Variants in LARGE1 observed in about 807,000 individuals in gnomAD.
LARGE1 encodes the protein LARGE xylosyl- and glucuronyltransferase 1.
LARGE1 carries 43 observed loss-of-function variants against 87.6 expected under a neutral mutation model. That is an observed-to-expected ratio of 0.49 (90% confidence interval 0.38 to 0.63). The LOEUF (loss-of-function observed/expected upper bound fraction) is 0.63. LARGE1 is among the 30% of genes least tolerant of loss of function. The pLI is 0.00. For synonymous variants in LARGE1, 434 were observed against 394.6 expected, an observed-to-expected ratio of 1.10 and a Z score of -1.18; for missense variants, 802 against 1,000.2, an observed-to-expected ratio of 0.80 and a Z score of 2.67.
intron 7 of LARGE1, among the ~76,000 whole-genome samples, chr22:33,409,109 A>G (rs1289752598): frequency 6.6e-6 from 1 of 152,224 alleles, no homozygotes; most frequent in Non-Finnish European, 1.5e-5. Flanking sequence ...GAGCAGTCCC[A>G]TAGGGCTCTG....
the LARGE1 span, among the ~76,000 whole-genome samples, chr22:33,126,304 A>T: frequency 6.6e-6 from 1 of 152,340 alleles, no homozygotes; most frequent in South Asian, 2.1e-4. Flanking sequence ...ATGAGATTGA[A>T]GACATTCAAA....
chr22:33,190,652 A>C (rs1923726037), intron 11 of LARGE1, among the ~76,000 whole-genome samples: 1 of 152,042 alleles, frequency 6.6e-6, no homozygotes, highest in East Asian at 1.9e-4. Context: ...GGGCACTGGG[A>C]GGGGTCCGAT....
intron 11 of LARGE1, among the ~76,000 whole-genome samples, chr22:33,185,812 T>C (rs1020982923): frequency 1.3e-5 from 2 of 151,980 alleles, no homozygotes; most frequent in Non-Finnish European, 2.9e-5. Flanking sequence ...AATAAGAAAA[T>C]AAGACAGAAA....
chr22:33,127,533 T>G, the LARGE1 span, among the ~76,000 whole-genome samples: 1 of 152,216 alleles, frequency 6.6e-6, no homozygotes, highest in African/African-American at 2.4e-5. Context: ...GAAAGCAATA[T>G]GAACTCTTAT....
chr22:33,713,834 T>G (rs2082818340), intron 2 of LARGE1, among the ~76,000 whole-genome samples: 1 of 152,082 alleles, frequency 6.6e-6, no homozygotes, highest in Non-Finnish European at 1.5e-5. Flanking sequence ...CATGTGCCTG[T>G]GTTCCCAGCT....
rs115494451 is a variant in LARGE1, at chr22:33,729,086, C to T, written c.106+32285G>A. On this transcript the variant is annotated intron_variant, in intron 2 of 14. Transcript: ENST00000397394. ...ATAATGCATAGAGATGATGAACTGA[C>T]GATGATATAGTGATAAGAATTCTTG... Among the ~76,000 whole-genome samples the T allele has an allele frequency of 2.6e-3, 399 of 152,108 alleles. 1 individual carries two copies. The highest frequency in any genetic ancestry group is 8.9e-3 in the African/African-American group (369 of 41,492).
intron 6 of LARGE1, among the ~76,000 whole-genome samples, chr22:33,454,546 G>A (rs1233983572): frequency 3.3e-5 from 5 of 151,690 alleles, no homozygotes; most frequent in Middle Eastern, 6.8e-3. Flanking sequence ...TTGAATCCGG[G>A]AGGCGGAGGT....
intron 10 of LARGE1, among the ~76,000 whole-genome samples, chr22:33,326,924 CCT>C (rs1164651297): frequency 6.6e-6 from 1 of 152,208 alleles, no homozygotes; most frequent in African/African-American, 2.4e-5. Context: ...CCCTTCACCC[CCT>C]CTCTCTGGAG....
exon 12 of LARGE1, chr22:33,162,877 C>T (rs1362922312): frequency 1.3e-5 from 2 of 152,198 alleles, no homozygotes; most frequent in Non-Finnish European, 2.9e-5. Flanking sequence ...AAAAGGTTAA[C>T]ACTTGGACGT....
At chr22:33,382,287 C>T (rs1246200674) in intron 8 of LARGE1, among the ~76,000 whole-genome samples, 1 of 152,180 alleles carries the variant, frequency 6.6e-6, no homozygotes, top group Non-Finnish European at 1.5e-5. Flanking sequence ...CTGCTGGTCT[C>T]ATAAGGCCCT....
chr22:33,800,305 C>T (rs1438524427), intron 1 of LARGE1, among the ~76,000 whole-genome samples: 1 of 152,100 alleles, frequency 6.6e-6, no homozygotes, highest in Non-Finnish European at 1.5e-5. Context: ...CAGTTTCCTC[C>T]CAATGGTGAT....
chr22:33,375,087 G>C (rs1237049416), intron 9 of LARGE1, among the ~76,000 whole-genome samples: 1 of 152,148 alleles, frequency 6.6e-6, no homozygotes, highest in Non-Finnish European at 1.5e-5. Flanking sequence ...TACTAATCAA[G>C]CTCAAGCAGA....
rs569749131 is a variant in LARGE1 at position 33,542,742 on chromosome 22, G to A, written c.787+22106C>T. On this transcript the variant is annotated intron_variant, in intron 6 of 14. Transcript: ENST00000397394. ...GCATCAGATCCATAGACCTGAAAGA[G>A]ACACTGGGCCCACCTACTCAAATCC... 2.4e-4 allele frequency among the ~76,000 whole-genome samples: 37 copies of A among 151,784 alleles called. 2 individuals carry two copies. The South Asian group carries it at 2.5e-3, about 10-fold the overall frequency.
intron 8 of LARGE1, among the ~76,000 whole-genome samples, chr22:33,382,403 G>GT (rs2065188340): frequency 6.6e-6 from 1 of 152,150 alleles, no homozygotes; most frequent in African/African-American, 2.4e-5. Flanking sequence ...GGAGCCCTGT[G>GT]TTACCCATCC....
intron 1 of LARGE1, among the ~76,000 whole-genome samples, chr22:33,826,344 C>CTTTTTTTTTTT (rs35127990): frequency 2.2e-5 from 3 of 137,872 alleles, no homozygotes; most frequent in African/African-American, 8.2e-5. Context: ...CTTTGCATAC[C>CTTTTTTTTTTT]TTTTTTTTTT....
chr22:33,667,214 C>T (rs1283578123), intron 2 of LARGE1, among the ~76,000 whole-genome samples: 2 of 152,232 alleles, frequency 1.3e-5, no homozygotes, highest in Non-Finnish European at 2.9e-5. Context: ...AGAAAGAAGG[C>T]TTCCATCCTT....
upstream of LARGE1, among the ~76,000 whole-genome samples, chr22:33,921,497 C>T (rs1234500730): frequency 2.6e-5 from 4 of 152,004 alleles, no homozygotes; most frequent in Non-Finnish European, 5.9e-5. This position sits in a 1 kb window ranked among gnomAD's most constrained non-coding sequence, Gnocchi z 4.1. Context: ...GAAGTTTCCC[C>T]GCCTCGGGTC....
intron 9 of LARGE1, among the ~76,000 whole-genome samples, chr22:33,356,924 T>G (rs1029596860): frequency 1.2e-4 from 19 of 152,206 alleles, no homozygotes; most frequent in Admixed American, 5.2e-4. Context: ...TTGGTGGGAA[T>G]GGAAATTAGT....
At chr22:33,740,739 C>T (rs2083850491) in intron 2 of LARGE1, among the ~76,000 whole-genome samples, 1 of 152,182 alleles carries the variant, frequency 6.6e-6, no homozygotes, top group South Asian at 2.1e-4. Flanking sequence ...ACTATGGAGA[C>T]CTTGAAGTCC....
Sources: gnomAD v4.1 joint callset for allele counts (sites outside exome capture counted in the v4.1 genomes callset) on GRCh38, gnomAD v4.1.1 for gene constraint, Gnocchi (gnomAD v3.1) non-coding constraint, MANE v1.5 for transcripts, NCBI Gene and HGNC (gene_info 2026-07-23, HGNC 2026-07-21) for gene names.